Variants in PITPNA observed in about 807,000 individuals in gnomAD.
The protein encoded by PITPNA is phosphatidylinositol transfer protein alpha isoform.
PITPNA carries 13 observed loss-of-function variants against 50.3 expected under a neutral mutation model. The observed-to-expected ratio is 0.26, with a 90% confidence interval of 0.17 to 0.41. The LOEUF is 0.41. Ranked by LOEUF, PITPNA falls within the 10% of genes least tolerant of loss-of-function variation. The pLI, the probability that PITPNA is intolerant of heterozygous loss-of-function variation, is 1.00. For missense variants in PITPNA, 207 were observed against 333.4 expected (o/e 0.62, Z 2.95); for synonymous variants, 120 against 119.6 (o/e 1.00, Z -0.02).
intron 5 of PITPNA, chr17:1,541,908 A>G (rs1199908766): frequency 1.8e-6 from 1 of 555,762 alleles, no homozygotes; most frequent in Non-Finnish European, 3.5e-6. Flanking sequence ...AACCAAAGTC[A>G]CAGAGATCGG....
At chr17:1,544,583 G>T (rs552666718) in intron 4 of PITPNA, among the ~76,000 whole-genome samples, 6 of 152,170 alleles carry the variant, frequency 3.9e-5, no homozygotes, top group Non-Finnish European at 8.8e-5. Flanking sequence ...CAGAAAAGCC[G>T]CAGGAAATCT....
chr17:1,533,489 TACTA>T (rs753449286), intron 10 of PITPNA, among the ~76,000 whole-genome samples: 75 of 152,130 alleles, frequency 4.9e-4, no homozygotes, highest in Non-Finnish European at 6.5e-4. Flanking sequence ...GCTTGAATGT[TACTA>T]ACTGACAATC....
At chr17:1,555,658 G>A (rs1196842745) in intron 2 of PITPNA, among the ~76,000 whole-genome samples, 1 of 152,192 alleles carries the variant, frequency 6.6e-6, no homozygotes, top group African/African-American at 2.4e-5. Flanking sequence ...CCAGTGGGTG[G>A]GCCTGAAATA....
chr17:1,529,516 C>G (rs748623570), intron 10 of PITPNA, among the ~76,000 whole-genome samples: 4 of 151,586 alleles, frequency 2.6e-5, no homozygotes, highest in African/African-American at 7.3e-5. Context: ...CCACTCCAGC[C>G]TGGGTGACAC....
At chr17:1,554,283 G>A (rs1406433248) in intron 2 of PITPNA, among the ~76,000 whole-genome samples, 1 of 151,746 alleles carries the variant, frequency 6.6e-6, no homozygotes, top group African/African-American at 2.4e-5. Flanking sequence ...AAGGAAAAAA[G>A]CTATGGGATT....
intron 7 of PITPNA, chr17:1,535,758 A>AC (rs1401510278): frequency 1.9e-6 from 1 of 532,282 alleles, no homozygotes; most frequent in Admixed American, 3.2e-5. Flanking sequence ...AAGTATCACC[A>AC]GACTGTCTGA....
intron 6 of PITPNA, among the ~76,000 whole-genome samples, chr17:1,541,275 T>G (rs1376827139): frequency 6.6e-6 from 1 of 152,134 alleles, no homozygotes; most frequent in East Asian, 1.9e-4. Context: ...TACTGCAAAT[T>G]GTGCTCTATA....
intron 5 of PITPNA, among the ~76,000 whole-genome samples, chr17:1,542,440 C>T (rs896533917): frequency 6.6e-6 from 1 of 152,204 alleles, no homozygotes; most frequent in African/African-American, 2.4e-5. Context: ...TTGCCTCCCT[C>T]CCTCCCTTCC....
At chr17:1,536,172 C>A (rs1002520592) in intron 7 of PITPNA, among the ~76,000 whole-genome samples, 1 of 152,126 alleles carries the variant, frequency 6.6e-6, no homozygotes, top group African/African-American at 2.4e-5. Context: ...TGTCCCTCTA[C>A]ATTGACTAAT....
At chr17:1,522,729 G>A (rs1316829937) in intron 10 of PITPNA, among the ~76,000 whole-genome samples, 9 of 152,178 alleles carry the variant, frequency 5.9e-5, no homozygotes, top group Non-Finnish European at 7.3e-5. Flanking sequence ...ATATTTAGCT[G>A]TGAACTAAAC....
At chr17:1,533,812 C>T (rs1421532349) in intron 10 of PITPNA, among the ~76,000 whole-genome samples, 4 of 152,172 alleles carry the variant, frequency 2.6e-5, no homozygotes, top group Admixed American at 2.6e-4. Flanking sequence ...TCCCACCAGG[C>T]TCTGAAGCAT....
Position 1,529,301 on chromosome 17 carries a change from T to C in PITPNA, c.768+4798A>G, listed in dbSNP as rs527290289. Among the ~76,000 whole-genome samples, 488 of 152,050 alleles carry C rather than the reference T, an allele frequency of 3.2e-3. 6 individuals carry two copies. The highest frequency in any genetic ancestry group is 3.3e-3 in the Non-Finnish European group (221 of 67,978). On this transcript the variant is annotated intron_variant, in intron 10 of 11. Coordinates refer to ENST00000313486, the MANE Select transcript of PITPNA (RefSeq NM_006224.4). ...ACTTTGGGAGGCCGAGGCAGGTGCATTGCCTGAGCTCAGGAGTTCGAGACT... is the reference window on the plus strand; with the variant it reads ...ACTTTGGGAGGCCGAGGCAGGTGCACTGCCTGAGCTCAGGAGTTCGAGACT...
At chr17:1,531,428 G>A (rs985345344) in intron 10 of PITPNA, among the ~76,000 whole-genome samples, 4 of 152,178 alleles carry the variant, frequency 2.6e-5, no homozygotes, top group Admixed American at 2.6e-4. Flanking sequence ...TACTGGGGAG[G>A]CTGAGGCAGG....
intron 7 of PITPNA, among the ~76,000 whole-genome samples, chr17:1,538,050 T>C (rs1234386941): frequency 6.6e-6 from 1 of 152,172 alleles, no homozygotes; most frequent in Non-Finnish European, 1.5e-5. Context: ...ATCGGTCACC[T>C]TGGCCTCCCA....
intron 10 of PITPNA, among the ~76,000 whole-genome samples, chr17:1,527,045 A>G (rs908985811): frequency 1.3e-5 from 2 of 152,118 alleles, no homozygotes; most frequent in Non-Finnish European, 2.9e-5. Flanking sequence ...GGTGTGAGCC[A>G]TCGCACCCAG....
At chr17:1,543,678 TAG>T (rs905813123) in intron 4 of PITPNA, among the ~76,000 whole-genome samples, 1 of 152,140 alleles carries the variant, frequency 6.6e-6, no homozygotes, top group African/African-American at 2.4e-5. Context: ...GCCATGTTTG[TAG>T]AGTGTGTGGG....
At chr17:1,537,173 C>T (rs1021786418) in intron 7 of PITPNA, among the ~76,000 whole-genome samples, 3 of 152,116 alleles carry the variant, frequency 2.0e-5, no homozygotes, top group African/African-American at 7.2e-5. Flanking sequence ...AAGCGATTCT[C>T]CTGCCTCAGT....
At chr17:1,548,623 C>G (rs1211347098) in intron 3 of PITPNA, among the ~76,000 whole-genome samples, 1 of 152,162 alleles carries the variant, frequency 6.6e-6, no homozygotes, top group East Asian at 1.9e-4. Flanking sequence ...CACAAGAGAC[C>G]CCAGGCTACC....
intron 9 of PITPNA, 83 bp from the exon 10 acceptor site, chr17:1,534,304 T>C: frequency 6.5e-7 from 1 of 1,539,250 alleles, no homozygotes; most frequent in South Asian, 1.1e-5. Context: ...TCCACACGAA[T>C]ACCCACACTA....
Sources: allele counts gnomAD v4.1 joint callset (sites outside exome capture counted in the v4.1 genomes callset), GRCh38; gene constraint gnomAD v4.1.1; transcripts MANE v1.5; gene names NCBI Gene and HGNC (gene_info 2026-07-23, HGNC 2026-07-21).